Variants in SLC7A2 observed in about 807,000 individuals in gnomAD.
SLC7A2 encodes solute carrier family 7 member 2, also known as cationic amino acid transporter 2.
SLC7A2 carries 48 observed loss-of-function variants against 58.9 expected under a neutral mutation model. The ratio of observed to expected loss-of-function variants is 0.82; its 90% CI spans 0.65 to 1.04. The LOEUF is 1.04. Ranked by LOEUF, SLC7A2 falls within the 50% of genes least tolerant of loss-of-function variation. The pLI is 0.00. For synonymous variants in SLC7A2, 363 were observed against 314.5 expected, an observed-to-expected ratio of 1.15 and a Z score of -1.63; for missense variants, 1,029 against 818.8, an observed-to-expected ratio of 1.26 and a Z score of -3.13.
chr8:17,495,389 C>T (rs888108735), upstream of SLC7A2, among the ~76,000 whole-genome samples: 1 of 152,182 alleles, frequency 6.6e-6, no homozygotes, highest in South Asian at 2.1e-4. Context: ...AAAGTCCACA[C>T]GCATCATTTC....
At chr8:17,495,175 G>A (rs962572686), upstream of SLC7A2, among the ~76,000 whole-genome samples, 9 of 151,844 alleles carry the variant, frequency 5.9e-5, 1 homozygote, top group African/African-American at 1.9e-4. Flanking sequence ...GACCAGGTTG[G>A]CCTCGAACGT....
intron 2 of SLC7A2, among the ~76,000 whole-genome samples, chr8:17,525,772 T>G (rs1801198189): frequency 6.6e-6 from 1 of 152,204 alleles, no homozygotes. Context: ...ACCAGCACAT[T>G]CCTGCAAGCG....
intron 2 of SLC7A2, among the ~76,000 whole-genome samples, chr8:17,510,045 C>G (rs1800538407): frequency 6.6e-6 from 1 of 151,906 alleles, no homozygotes; most frequent in Admixed American, 6.6e-5. Flanking sequence ...CATGATGAAA[C>G]CACGTCTCTA....
intron 1 of SLC7A2, chr8:17,500,122 A>T (rs1047880354): frequency 6.6e-6 from 1 of 152,186 alleles, no homozygotes; most frequent in Non-Finnish European, 1.5e-5. Flanking sequence ...ACATTTGGGG[A>T]ACTCCATTGA....
Position 17,543,321 on chromosome 8 carries a change from G to T in SLC7A2, c.-19G>T. On this transcript the variant is annotated 5_prime_UTR_variant, in exon 3 of 13. Transcript: ENST00000494857. ...TAACCTCCTCCCTTCTGCTCAGGTC[G>T]CCTTCGTCAGACGTCAGAATGATTC... The T allele has an allele frequency of 6.3e-7, 1 of 1,599,716 alleles. No homozygotes were observed. Among genetic ancestry groups the T allele is most frequent in the Non-Finnish European group, 8.5e-7 (1 of 1,173,198 alleles).
chr8:17,556,127 C>G, intron 8 of SLC7A2, among the ~76,000 whole-genome samples: 1 of 152,156 alleles, frequency 6.6e-6, no homozygotes, highest in Non-Finnish European at 1.5e-5. Context: ...GGTCAAGTCA[C>G]TTATTTTCTC....
At chr8:17,529,248 C>T (rs1801339099) in intron 2 of SLC7A2, among the ~76,000 whole-genome samples, 1 of 152,196 alleles carries the variant, frequency 6.6e-6, no homozygotes. Flanking sequence ...TCCTTAACCA[C>T]ACGTCTTGTG....
chr8:17,502,309 G>T lies in SLC7A2; in HGVS notation c.-23+7G>T, dbSNP rs887680386. On this transcript the variant is annotated splice_region_variant and intron_variant, in intron 2 of 12. Coordinates refer to ENST00000494857, the MANE Select transcript of SLC7A2 (RefSeq NM_001370338.1). ...AAGCAGTGAGCCCTTACAGGTTAGT[G>T]CTGATTTCAATCTTGGCTTGCACGT... is the stretch of plus-strand genomic sequence containing the variant. 7 of 151,924 alleles carry T rather than the reference G, an allele frequency of 4.6e-5. No homozygotes were observed. Among genetic ancestry groups the T allele is most frequent in the Non-Finnish European group, 7.4e-5 (5 of 68,018 alleles). The allele number at this position is 151,924 out of a possible 1,614,324, so 9.4% of individuals were successfully genotyped here.
intron 2 of SLC7A2, among the ~76,000 whole-genome samples, chr8:17,525,420 A>G (rs940101633): frequency 2.3e-4 from 35 of 152,338 alleles, no homozygotes; most frequent in African/African-American, 7.9e-4. Flanking sequence ...CAAAAATCAC[A>G]GTGGCAATTA....
intron 2 of SLC7A2, among the ~76,000 whole-genome samples, chr8:17,532,229 CAA>C (rs534441508): frequency 2.4e-3 from 111 of 46,186 alleles, no homozygotes; most frequent in African/African-American, 0.011. Context: ...GACTCTATCT[CAA>C]AAAAAAAAAA....
chr8:17,502,276 C>G lies in SLC7A2; in HGVS notation c.-49C>G, dbSNP rs1451954788. On this transcript the variant is annotated 5_prime_UTR_variant, in exon 2 of 13. Coordinates refer to ENST00000494857, the MANE Select transcript of SLC7A2 (RefSeq NM_001370338.1). ...TCCCAGCAGGAGACTCTCTGAAGAC[C>G]AGCAGGAAAGCAGTGAGCCCTTACA... is the stretch of plus-strand genomic sequence containing the variant. 2.0e-5 allele frequency: 3 copies of G among 151,878 alleles called. No homozygotes were observed. The highest frequency in any genetic ancestry group is 2.0e-4 in the Admixed American group (3 of 15,224). The allele number at this position is 151,878 out of a possible 1,614,324, so 9.4% of individuals were successfully genotyped here. A position where few individuals can be genotyped will look rare whatever the true frequency, so the allele number is the denominator to read the frequency against.
chr8:17,548,783 G>A lies in SLC7A2; in HGVS notation c.638G>A (p.Gly213Glu). The change falls in exon 5 of 13, where the codon GGA (glycine) becomes GAA (glutamate). Residue 213 changes from glycine to glutamate, a missense_variant. Physicochemically the swap from Gly to Glu is moderately conservative, Grantham distance 98. Coordinates refer to ENST00000494857, the MANE Select transcript of SLC7A2 (RefSeq NM_001370338.1). ...LFVMVAGFVK[G>E]NVANWKISEE... ...GTGATGGTTGCTGGGTTTGTGAAAG[G>A]AAATGTGGCAAACTGGAAGATTAGT... 6.2e-7 allele frequency: 1 copy of A among 1,613,944 alleles called. No individual in the cohort carries two copies.
intron 2 of SLC7A2, among the ~76,000 whole-genome samples, chr8:17,524,617 A>C (rs1237385495): frequency 6.6e-6 from 1 of 152,148 alleles, no homozygotes; most frequent in Non-Finnish European, 1.5e-5. Flanking sequence ...ATGAGGACAC[A>C]AAGGCATAAG....
chr8:17,562,377 G>A (rs1157562575), intron 11 of SLC7A2, among the ~76,000 whole-genome samples: 1 of 151,828 alleles, frequency 6.6e-6, no homozygotes, highest in African/African-American at 2.4e-5. Context: ...GCTAATGTTT[G>A]TATTTTTAGA....
At chr8:17,530,943 A>T (rs1395977223) in intron 2 of SLC7A2, among the ~76,000 whole-genome samples, 5 of 152,184 alleles carry the variant, frequency 3.3e-5, no homozygotes, top group African/African-American at 9.7e-5. Context: ...ATAAGCATTA[A>T]TTGTTATTTT....
chr8:17,564,279 A>C (rs1047898292), intron 12 of SLC7A2, among the ~76,000 whole-genome samples: 3 of 152,196 alleles, frequency 2.0e-5, no homozygotes, highest in African/African-American at 7.2e-5. Context: ...TCCACATATC[A>C]TTTTGTTTAA....
At position 17,570,394 on chromosome 8, in the gene SLC7A2, T is replaced by C. The variant is rs1321855442; in HGVS notation, c.*5248T>C. 6.6e-6 allele frequency: 1 copy of C among 152,656 alleles called. No homozygotes were observed. Among genetic ancestry groups the C allele is most frequent in the Non-Finnish European group, 1.5e-5 (1 of 68,046 alleles). 9.5% of individuals were successfully genotyped at this position (152,656 alleles called of 1,614,324 possible). ...TGGACTTGTGTGAATGTACAGGGTT[T>C]TTTTAGTAGTAATTTTAAATTTAAA... is the stretch of plus-strand genomic sequence containing the variant. On this transcript the variant is annotated 3_prime_UTR_variant, in exon 13 of 13. Transcript: ENST00000494857.
chr8:17,561,428 C>T (rs944139536), intron 10 of SLC7A2, among the ~76,000 whole-genome samples: 6 of 152,084 alleles, frequency 3.9e-5, no homozygotes, highest in Admixed American at 1.3e-4. Context: ...GCCATGAGAA[C>T]AGTGTGGGGG....
intron 2 of SLC7A2, among the ~76,000 whole-genome samples, chr8:17,533,937 C>T (rs528764509): frequency 1.3e-5 from 2 of 152,290 alleles, no homozygotes; most frequent in African/African-American, 4.8e-5. Context: ...CTGACAGGCC[C>T]CAGTGTGTGT....
Sources: gnomAD v4.1 joint callset for allele counts (sites outside exome capture counted in the v4.1 genomes callset) on GRCh38, gnomAD v4.1.1 for gene constraint, MANE v1.5 for transcripts, NCBI Gene and HGNC (gene_info 2026-07-23, HGNC 2026-07-21) for gene names.